DPYD: variants seen among roughly 807,000 people sequenced by gnomAD.
DPYD encodes the protein dihydropyrimidine dehydrogenase.
A neutral mutation model predicts 116.2 loss-of-function variants in DPYD; 109 were observed. The observed-to-expected ratio is 0.94, with a 90% confidence interval of 0.80 to 1.10. DPYD has a LOEUF of 1.10. Ranked by LOEUF, DPYD falls within the 50% of genes least tolerant of loss-of-function variation. The pLI, the probability that DPYD is intolerant of heterozygous loss-of-function variation, is 0.00. For synonymous variants in DPYD, 440 were observed against 432.0 expected, an observed-to-expected ratio of 1.02 and a Z score of -0.23; for missense variants, 1,302 against 1,254.5, an observed-to-expected ratio of 1.04 and a Z score of -0.57.
intron 20 of DPYD, among the ~76,000 whole-genome samples, chr1:97,110,938 C>T (rs900303953): frequency 2.0e-5 from 3 of 151,818 alleles, no homozygotes; most frequent in African/African-American, 4.8e-5. Context: ...TAGGCTGAGG[C>T]GGGAGGATAA....
rs572500221 is a variant in DPYD, at chr1:97,553,435, G to A, written c.1340-3691C>T. The stretch of plus-strand genomic sequence containing the variant: ...GACTATCATCCTCATCATTGTAACT[G>A]TTCTTCTATGAACTCCTCAGAGCTC... On this transcript the variant is annotated intron_variant, in intron 11 of 22. Coordinates refer to ENST00000370192, the MANE Select transcript of DPYD (RefSeq NM_000110.4). Among the ~76,000 whole-genome samples the A allele has an allele frequency of 5.3e-5, 8 of 151,962 alleles. 1 individual carries two copies. The South Asian group carries it at 1.7e-3, about 32-fold the overall frequency.
At chr1:97,394,618 T>C (rs542258957) in intron 14 of DPYD, among the ~76,000 whole-genome samples, 5 of 152,156 alleles carry the variant, frequency 3.3e-5, no homozygotes, top group African/African-American at 1.2e-4. Context: ...ATTACCAAAA[T>C]ATGAACACAG....
intron 20 of DPYD, among the ~76,000 whole-genome samples, chr1:97,135,750 A>G (rs1002048901): frequency 2.6e-5 from 4 of 152,126 alleles, no homozygotes; most frequent in Non-Finnish European, 5.9e-5. Flanking sequence ...CTCACCCCAC[A>G]TGGGTACTCA....
At chr1:97,415,215 CAT>C (rs1674225461) in intron 14 of DPYD, among the ~76,000 whole-genome samples, 1 of 152,158 alleles carries the variant, frequency 6.6e-6, no homozygotes, top group Admixed American at 6.5e-5. Context: ...TATCAACACA[CAT>C]AGTTTTCAGA....
intron 20 of DPYD, among the ~76,000 whole-genome samples, chr1:97,118,150 T>C (rs933014914): frequency 6.6e-6 from 1 of 152,196 alleles, no homozygotes; most frequent in Non-Finnish European, 1.5e-5. Context: ...TTTTGTTTTA[T>C]TTTTCCTTTT....
chr1:97,396,218 C>A (rs1407067934), intron 14 of DPYD, among the ~76,000 whole-genome samples: 1 of 149,642 alleles, frequency 6.7e-6, no homozygotes, highest in Admixed American at 6.7e-5. Context: ...AGTTATTAGC[C>A]CCACTTTACA....
chr1:97,824,192 A>G (rs1298238360), intron 3 of DPYD, among the ~76,000 whole-genome samples: 1 of 152,156 alleles, frequency 6.6e-6, no homozygotes, highest in Non-Finnish European at 1.5e-5. Flanking sequence ...ATAAAATAAG[A>G]GCTACCTTGT....
intron 8 of DPYD, among the ~76,000 whole-genome samples, chr1:97,649,160 T>G (rs530136532): frequency 2.6e-5 from 4 of 152,208 alleles, no homozygotes; most frequent in African/African-American, 9.6e-5. Context: ...GCCTACATAT[T>G]GCAGTGTAAT....
intron 3 of DPYD, among the ~76,000 whole-genome samples, chr1:97,826,494 T>C (rs771880166): frequency 9.9e-5 from 15 of 152,128 alleles, no homozygotes; most frequent in Non-Finnish European, 1.5e-4. Context: ...TGTTTGTCTA[T>C]GTATTTACTT....
rs552093108 is a variant in DPYD at position 97,432,569 on chromosome 1, A to G, written c.1905+17490T>C. The stretch of plus-strand genomic sequence containing the variant: ...TTTACGTCTCTATCTGATAATTCCA[A>G]TTCTATGTGTGGGTCTGCTTCTATG... On this transcript the variant is annotated intron_variant, in intron 14 of 22. Transcript: ENST00000370192. 8.6e-5 allele frequency among the ~76,000 whole-genome samples: 13 copies of G among 151,850 alleles called. No individual in the cohort carries two copies. The South Asian group carries it at 2.1e-3, about 24-fold the overall frequency.
chr1:97,373,645 C>G lies in DPYD; in HGVS notation c.1975-1G>C. 1 of 1,613,494 alleles carries G rather than the reference C, an allele frequency of 6.2e-7. No individual in the cohort carries two copies. The highest frequency in any genetic ancestry group is 1.1e-5 in the South Asian group (1 of 91,048). ...ACTCCAGGGCATCTGCTCCAGAATC[C>G]TTTAAACAAGAAAGGAAAATGAAAG... On this transcript the variant is annotated splice_acceptor_variant, in intron 15 of 22. Coordinates refer to ENST00000370192, the MANE Select transcript of DPYD (RefSeq NM_000110.4). LOFTEE classifies it high-confidence loss of function.
intron 19 of DPYD, among the ~76,000 whole-genome samples, chr1:97,206,049 A>C (rs541092019): frequency 1.4e-4 from 22 of 151,992 alleles, no homozygotes; most frequent in Admixed American, 1.2e-3. Flanking sequence ...CCCTTTTATG[A>C]TAAAAGATAC....
intron 21 of DPYD, among the ~76,000 whole-genome samples, chr1:97,086,245 G>A (rs1478504396): frequency 6.6e-6 from 1 of 151,938 alleles, no homozygotes; most frequent in Non-Finnish European, 1.5e-5. Context: ...GTAGAGCCGG[G>A]TTTCACCATA....
chr1:97,509,444 T>A (rs1647615626), intron 13 of DPYD, among the ~76,000 whole-genome samples: 1 of 151,942 alleles, frequency 6.6e-6, no homozygotes, highest in South Asian at 2.1e-4. Context: ...TATTATGTGG[T>A]GACAGAACAA....
intron 10 of DPYD, among the ~76,000 whole-genome samples, chr1:97,582,971 T>C (rs1653798503): frequency 6.6e-6 from 1 of 152,092 alleles, no homozygotes; most frequent in Non-Finnish European, 1.5e-5. Context: ...TTTTTTGTTG[T>C]TGTTGTTTGT....
intron 19 of DPYD, among the ~76,000 whole-genome samples, chr1:97,227,331 CAAAAAA>C (rs60992225): frequency 2.7e-4 from 7 of 26,378 alleles, no homozygotes; most frequent in East Asian, 7.1e-4. Context: ...GACTCTATCT[CAAAAAA>C]AAAAAAAAAA....
chr1:97,201,728 T>C (rs940603408), intron 19 of DPYD, among the ~76,000 whole-genome samples: 3 of 152,124 alleles, frequency 2.0e-5, no homozygotes, highest in Non-Finnish European at 4.4e-5. Context: ...TGTCCCTATA[T>C]ATTGCATTTA....
chr1:97,548,331 T>C (rs1371068397), intron 12 of DPYD, among the ~76,000 whole-genome samples: 1 of 152,226 alleles, frequency 6.6e-6, no homozygotes, highest in African/African-American at 2.4e-5. Context: ...ATCTGGTAGT[T>C]ACACTTTTCT....
At chr1:97,465,122 C>T (rs1413695162) in intron 13 of DPYD, among the ~76,000 whole-genome samples, 2 of 152,038 alleles carry the variant, frequency 1.3e-5, no homozygotes, top group Non-Finnish European at 2.9e-5. Flanking sequence ...ATTTGACTGC[C>T]CTGCTGGATT....
Sources: gnomAD v4.1 joint callset for allele counts (sites outside exome capture counted in the v4.1 genomes callset) on GRCh38, gnomAD v4.1.1 for gene constraint, MANE v1.5 for transcripts, NCBI Gene and HGNC (gene_info 2026-07-23, HGNC 2026-07-21) for gene names.